The following CNKSR3 variants were observed in gnomAD, a reference collection of about 807,000 sequenced individuals.
The protein encoded by CNKSR3 is connector enhancer of kinase suppressor of ras 3.
A neutral mutation model predicts 67.7 loss-of-function variants in CNKSR3; 36 were observed. The observed-to-expected ratio is 0.53, with a 90% confidence interval of 0.41 to 0.70. CNKSR3 has a LOEUF of 0.70. CNKSR3 is among the 30% of genes least tolerant of loss of function. The pLI is 0.00. For synonymous variants in CNKSR3, 281 were observed against 271.4 expected, an observed-to-expected ratio of 1.04 and a Z score of -0.35; for missense variants, 630 against 695.2, an observed-to-expected ratio of 0.91 and a Z score of 1.05.
chr6:154,478,158 C>A (rs963078605), intron 1 of CNKSR3, among the ~76,000 whole-genome samples: 32 of 152,324 alleles, frequency 2.1e-4, no homozygotes, highest in African/African-American at 7.2e-4. Flanking sequence ...GCAAAGGCCT[C>A]CCAAAGCTGG....
Position 154,406,402 on chromosome 6 carries a change from C to T in CNKSR3, c.1620G>A (p.Pro540=). Residue 540 remains proline, a synonymous_variant, in exon 13 of 13, where the codon CCG becomes CCA. Transcript: ENST00000607772. ...GCGTAAACCAGCTGACCAGGAGGGA[C>T]GGTTCTGTGGACGAGGACTTCGTAG... The part of the protein sequence containing the change: ...SSATKSSSTE[P]SLLVSWFTRL... 1.2e-6 allele frequency: 2 copies of T among 1,614,144 alleles called. No individual in the cohort carries two copies. Among genetic ancestry groups the T allele is most frequent in the Non-Finnish European group, 1.7e-6 (2 of 1,180,028 alleles).
At chr6:154,453,501 T>C (rs1217730745) in intron 1 of CNKSR3, among the ~76,000 whole-genome samples, 1 of 152,174 alleles carries the variant, frequency 6.6e-6, no homozygotes, top group Admixed American at 6.5e-5. Context: ...ACAAGTTCCC[T>C]GAGATGTAGA....
intron 9 of CNKSR3, among the ~76,000 whole-genome samples, chr6:154,418,968 A>G (rs1448941414): frequency 6.6e-6 from 1 of 151,216 alleles, no homozygotes; most frequent in African/African-American, 2.4e-5. Context: ...AAAAAAAAAA[A>G]ACAAAACACA....
intron 1 of CNKSR3, among the ~76,000 whole-genome samples, chr6:154,453,389 T>G (rs1785879501): frequency 6.6e-6 from 1 of 152,178 alleles, no homozygotes; most frequent in African/African-American, 2.4e-5. Context: ...AACAAATGAT[T>G]AGAGATTGAG....
chr6:154,424,248 AG>A (rs1554232017), intron 7 of CNKSR3, among the ~76,000 whole-genome samples: 2,791 of 130,156 alleles, frequency 0.021, 47 homozygotes, highest in African/African-American at 0.056. Flanking sequence ...AAAAAAAAAA[AG>A]AAAAGAAAAA....
intron 1 of CNKSR3, among the ~76,000 whole-genome samples, chr6:154,496,235 C>T (rs1786874978): frequency 6.6e-6 from 1 of 152,182 alleles, no homozygotes; most frequent in Admixed American, 6.5e-5. Context: ...GATGGACTAA[C>T]ATCTATCAAG....
At chr6:154,451,694 C>T (rs1054056974) in intron 1 of CNKSR3, among the ~76,000 whole-genome samples, 1 of 152,124 alleles carries the variant, frequency 6.6e-6, no homozygotes, top group African/African-American at 2.4e-5. Flanking sequence ...TACATCTCTG[C>T]CCTGCAAATG....
Position 154,450,228 on chromosome 6 carries a change from T to C in CNKSR3, c.83A>G (p.His28Arg), listed in dbSNP as rs1378216993. 2 of 1,614,068 alleles carry C rather than the reference T, an allele frequency of 1.2e-6. No individual in the cohort carries two copies. Among genetic ancestry groups the C allele is most frequent in the African/African-American group, 2.7e-5 (2 of 74,932 alleles). The change falls in exon 2 of 13, where the codon CAC (histidine) becomes CGC (arginine). Residue 28 changes from histidine to arginine, a missense_variant. Physicochemically the swap from His to Arg is conservative, Grantham distance 29. This residue lies in a region of CNKSR3 where 189 missense variants were observed against 205.0 expected (regional missense o/e 0.92). Coordinates refer to ENST00000607772, the MANE Select transcript of CNKSR3 (RefSeq NM_173515.4). ...GTTGATCTTCTCTCGTTCAAACTTG[T>C]GGACATATTGTTGCAGGCAGTCATC... The part of the protein sequence containing the change: ...GLDDCLQQYV[H>R]KFEREKINGE...
chr6:154,474,112 TAA>T (rs112210954), intron 1 of CNKSR3, among the ~76,000 whole-genome samples: 71 of 144,680 alleles, frequency 4.9e-4, no homozygotes, highest in Middle Eastern at 3.5e-3. Flanking sequence ...CATGGGGTTA[TAA>T]AAAAAAAAAA....
chr6:154,469,606 C>A (rs4143937), intron 1 of CNKSR3, among the ~76,000 whole-genome samples: 113,059 of 152,092 alleles, frequency 0.74, 42,859 homozygotes, highest in African/African-American at 0.89. Context: ...ATCACCAGTC[C>A]TATGTTCTTT....
intron 1 of CNKSR3, among the ~76,000 whole-genome samples, chr6:154,480,910 T>C (rs1177608760): frequency 6.6e-6 from 1 of 152,264 alleles, no homozygotes; most frequent in Non-Finnish European, 1.5e-5. Context: ...TATGCTTATT[T>C]GATAGCAGTC....
chr6:154,433,620 C>A, intron 4 of CNKSR3, 113 bp from the exon 5 acceptor site: 1 of 762,002 alleles, frequency 1.3e-6, no homozygotes, highest in Non-Finnish European at 2.3e-6. Flanking sequence ...CCTGACACAC[C>A]CGTCAGCCTG....
chr6:154,406,555 G>T lies in CNKSR3; in HGVS notation c.1467C>A (p.Thr489=). 1.2e-6 allele frequency: 2 copies of T among 1,614,224 alleles called. No individual in the cohort carries two copies. The highest frequency in any genetic ancestry group is 1.7e-6 in the Non-Finnish European group (2 of 1,180,036). The change falls in exon 13 of 13, where the codon ACC becomes ACA. Residue 489 remains threonine (T), a synonymous_variant. Coordinates refer to ENST00000607772, the MANE Select transcript of CNKSR3 (RefSeq NM_173515.4). ...SPPYRFSRPT[T]ERHLVRGADY... ...CCGCACCCCGGACCAGATGCCGCTC[G>T]GTCGTGGGTCTGGAGAACCGGTATG... is the stretch of plus-strand genomic sequence containing the variant.
intron 12 of CNKSR3, among the ~76,000 whole-genome samples, chr6:154,408,213 C>A (rs780966577): frequency 1.3e-5 from 2 of 151,986 alleles, no homozygotes; most frequent in Admixed American, 1.3e-4. Context: ...TTAGTAGAGA[C>A]GGGGTTTCAC....
chr6:154,509,804 C>G (rs752920141), intron 1 of CNKSR3, among the ~76,000 whole-genome samples: 10 of 152,210 alleles, frequency 6.6e-5, no homozygotes, highest in Non-Finnish European at 1.0e-4. Context: ...TCAACCGCCA[C>G]AGAAAGGCCA....
rs761192211 is a variant in CNKSR3, at chr6:154,410,344, T to C, written c.1368A>G (p.Lys456=). Reference sequence around the variant, plus strand: ...TTGGTTTGCTTGGATGAAACGTACCTTTCCTGCCATGACCTCGAGGTCTGG... The same window carrying C: ...TTGGTTTGCTTGGATGAAACGTACCCTTCCTGCCATGACCTCGAGGTCTGG... The part of the protein sequence containing the change: ...PFARPRGHGR[K]GEDALCRYFS... Residue 456 remains lysine (K), a splice_region_variant and synonymous_variant, in exon 12 of 13, where the codon AAA becomes AAG. Transcript: ENST00000607772. The C allele has an allele frequency of 3.1e-6, 5 of 1,612,426 alleles. No homozygotes were observed. In the African/African-American group the frequency reaches 6.7e-5, roughly 22 times the overall value.
intron 1 of CNKSR3, among the ~76,000 whole-genome samples, chr6:154,463,885 C>A (rs1786137050): frequency 6.6e-6 from 1 of 152,136 alleles, no homozygotes; most frequent in Non-Finnish European, 1.5e-5. Flanking sequence ...TGATTCTGTA[C>A]TTCTTAAGGT....
chr6:154,393,566 AC>A lies in CNKSR3; in HGVS notation c.*12787del, dbSNP rs1584038096. The A allele has an allele frequency of 6.6e-6, 1 of 152,238 alleles. No homozygotes were observed. Among genetic ancestry groups the A allele is most frequent in the South Asian group, 2.1e-4 (1 of 4,830 alleles). The allele number at this position is 152,238 out of a possible 1,614,324, so 9.4% of individuals were successfully genotyped here. ...TTATATGTATATATTCTTACTGCTA[AC>A]CCTTAGGACTTTTTAATCTTCTCCC... On this transcript the variant is annotated 3_prime_UTR_variant, in exon 13 of 13. Transcript: ENST00000607772.
chr6:154,506,802 T>G (rs189721889), intron 1 of CNKSR3, among the ~76,000 whole-genome samples: 3 of 152,234 alleles, frequency 2.0e-5, no homozygotes, highest in Non-Finnish European at 4.4e-5. Context: ...AGGAATTAAT[T>G]TGACTTACAA....
Sources: allele counts gnomAD v4.1 joint callset (sites outside exome capture counted in the v4.1 genomes callset), GRCh38; gene constraint gnomAD v4.1.1; regional missense constraint gnomAD v4.1.1; transcripts MANE v1.5; gene names NCBI Gene and HGNC (gene_info 2026-07-23, HGNC 2026-07-21).